MICOS10: variants seen among roughly 807,000 people sequenced by gnomAD.
The protein encoded by MICOS10 is MICOS complex subunit MIC10.
MICOS10 carries 5 observed loss-of-function variants against 13.4 expected under a neutral mutation model. That is an observed-to-expected ratio of 0.37 (90% CI 0.20 to 0.78). The LOEUF (loss-of-function observed/expected upper bound fraction) is 0.78, where lower values mean the gene tolerates loss of function less well. Ranked by LOEUF, MICOS10 falls within the 30% of genes least tolerant of loss-of-function variation. The pLI is 0.47. For synonymous variants in MICOS10, 35 were observed against 33.6 expected, an observed-to-expected ratio of 1.04 and a Z score of -0.15; for missense variants, 101 against 94.6, an observed-to-expected ratio of 1.07 and a Z score of -0.28.
intron 1 of MICOS10, among the ~76,000 whole-genome samples, chr1:19,604,830 C>G (rs1427235690): frequency 6.6e-6 from 1 of 152,048 alleles, no homozygotes; most frequent in Admixed American, 6.6e-5. Flanking sequence ...ACATTTGACC[C>G]CCATTTTGGA....
chr1:19,624,167 A>G (rs1394796774), intron 3 of MICOS10, among the ~76,000 whole-genome samples: 2 of 151,902 alleles, frequency 1.3e-5, no homozygotes, highest in Non-Finnish European at 1.5e-5. Flanking sequence ...TTTAGTAGAG[A>G]CGGAGCTTCA....
chr1:19,608,002 A>G, intron 1 of MICOS10: 2 of 626,660 alleles, frequency 3.2e-6, no homozygotes, highest in Non-Finnish European at 5.8e-6. Flanking sequence ...AGGTTTCCAT[A>G]TAGAGAAAAA....
At chr1:19,611,623 C>T (rs889397160) in intron 1 of MICOS10, among the ~76,000 whole-genome samples, 1 of 151,730 alleles carries the variant, frequency 6.6e-6, no homozygotes, top group Non-Finnish European at 1.5e-5. Context: ...CAGGTGTGAG[C>T]CACCATACCT....
At chr1:19,625,294 C>T in intron 3 of MICOS10, 2 of 1,173,082 alleles carry the variant, frequency 1.7e-6, no homozygotes, top group Non-Finnish European at 2.2e-6. Flanking sequence ...AAATGTGGTA[C>T]AAATGCATGT....
At position 19,625,593 on chromosome 1, in the gene MICOS10, T is replaced by C. The variant is rs183167299; in HGVS notation, c.223-794T>C. ...CTCGCTTTCCTGGCATCAGAGCTGA[T>C]TGTGGGGAGAACCGAAAGGAGCAGA... is the stretch of plus-strand genomic sequence containing the variant. On this transcript the variant is annotated intron_variant, in intron 3 of 3. Coordinates refer to ENST00000322753, the MANE Select transcript of MICOS10 (RefSeq NM_001032363.4). 90 of 1,289,410 alleles carry C rather than the reference T, an allele frequency of 7.0e-5. No individual in the cohort carries two copies. The East Asian group carries it at 3.5e-3, about 50-fold the overall frequency. 79.9% of individuals were successfully genotyped at this position (1,289,410 alleles called of 1,614,324 possible).
At position 19,623,587 on chromosome 1, in the gene MICOS10, T is replaced by C. The variant is rs1439832744; in HGVS notation, c.222+4T>C. Reference sequence around the variant, plus strand: ...TCTACATGGAAAATATGTCAAAGTATGTACAGAATATATATTTCTCTTTCC... The same window carrying C: ...TCTACATGGAAAATATGTCAAAGTACGTACAGAATATATATTTCTCTTTCC... On this transcript the variant is annotated splice_donor_region_variant and intron_variant, in intron 3 of 3. Transcript: ENST00000322753. 2.6e-6 allele frequency: 4 copies of C among 1,558,782 alleles called. No individual in the cohort carries two copies.
intron 1 of MICOS10, among the ~76,000 whole-genome samples, chr1:19,601,828 C>T (rs917985259): frequency 2.0e-5 from 3 of 152,142 alleles, no homozygotes; most frequent in African/African-American, 7.2e-5. Flanking sequence ...TACACATCCA[C>T]TTCTCTTTTT....
intron 3 of MICOS10, chr1:19,623,806 T>C (rs2094912603): frequency 1.0e-5 from 4 of 401,396 alleles, no homozygotes; most frequent in Non-Finnish European, 1.3e-5. Context: ...TATATACTCA[T>C]GTGCTAGCCG....
At chr1:19,621,532 A>C (rs1234436034) in intron 1 of MICOS10, among the ~76,000 whole-genome samples, 1 of 152,206 alleles carries the variant, frequency 6.6e-6, no homozygotes, top group Admixed American at 6.5e-5. Context: ...CTGTTCCGCA[A>C]CTAACTAAAC....
Position 19,597,045 on chromosome 1 carries a change from C to G in MICOS10, c.-1C>G. On this transcript the variant is annotated 5_prime_UTR_variant, in exon 1 of 4. Transcript: ENST00000322753. ...GAAAGCTGGAGGCGCGGGTGGGGAA[C>G]ATGTCTGAGTCGGAGCTCGGCAGGA... 2.5e-6 allele frequency: 4 copies of G among 1,587,732 alleles called. No individual in the cohort carries two copies. The highest frequency in any genetic ancestry group is 3.4e-6 in the Non-Finnish European group (4 of 1,169,894).
chr1:19,611,468 G>GTTTTTTTTTT (rs765477232), intron 1 of MICOS10, among the ~76,000 whole-genome samples: 2 of 84,054 alleles, frequency 2.4e-5, no homozygotes, highest in African/African-American at 1.5e-4. Context: ...GTTGCAACTT[G>GTTTTTTTTTT]ATTTTTTTTT....
Position 19,628,237 on chromosome 1 carries a change from C to G in MICOS10, c.*1836C>G, listed in dbSNP as rs1339626735. The G allele has an allele frequency of 6.6e-6, 1 of 152,160 alleles. No homozygotes were observed. The highest frequency in any genetic ancestry group is 2.4e-5 in the African/African-American group (1 of 41,408). 9.4% of individuals were successfully genotyped at this position (152,160 alleles called of 1,614,324 possible). A position where few individuals can be genotyped will look rare whatever the true frequency, so the allele number is the denominator to read the frequency against. On this transcript the variant is annotated 3_prime_UTR_variant, in exon 4 of 4. Transcript: ENST00000322753. ...GGGATTACAGGCATGCGCCATCACACCTGGCTAATTTTGTATTTTTAGTAG... is the reference window on the plus strand; with the variant it reads ...GGGATTACAGGCATGCGCCATCACAGCTGGCTAATTTTGTATTTTTAGTAG...
chr1:19,602,245 A>C (rs2094817919), intron 1 of MICOS10, among the ~76,000 whole-genome samples: 1 of 152,178 alleles, frequency 6.6e-6, no homozygotes, highest in Non-Finnish European at 1.5e-5. Flanking sequence ...AATTTTGTAG[A>C]CCGTTCTCTG....
chr1:19,603,025 A>T (rs957337219), intron 1 of MICOS10, among the ~76,000 whole-genome samples: 1 of 152,114 alleles, frequency 6.6e-6, no homozygotes, highest in Non-Finnish European at 1.5e-5. Flanking sequence ...TGAGCCCTAC[A>T]GGTGTGGGTC....
intron 1 of MICOS10, among the ~76,000 whole-genome samples, chr1:19,605,547 T>C (rs755246817): frequency 1.3e-4 from 20 of 152,212 alleles, no homozygotes; most frequent in Non-Finnish European, 2.8e-4. Flanking sequence ...ACTTAGGTAG[T>C]GTTTTCAGTA....
intron 3 of MICOS10, among the ~76,000 whole-genome samples, chr1:19,624,611 A>T (rs2094916022): frequency 1.3e-5 from 2 of 152,116 alleles, no homozygotes. Flanking sequence ...TTAATGCTGC[A>T]CACAAGCTGG....
chr1:19,622,131 A>T lies in MICOS10; in HGVS notation c.96A>T (p.Ser32=). ...GTGFGLGIVF[S]LTFFKRRMWP... is the part of the protein sequence containing the mutation. ...GTTTTGGATTAGGAATTGTTTTCTC[A>T]CTTACCTTCTTTAAAAGTAAGTGTC... Residue 32 remains serine (S), a synonymous_variant, in exon 2 of 4, where the codon TCA becomes TCT. Coordinates refer to ENST00000322753, the MANE Select transcript of MICOS10 (RefSeq NM_001032363.4). The T allele has an allele frequency of 6.2e-7, 1 of 1,612,126 alleles. No individual in the cohort carries two copies. The highest frequency in any genetic ancestry group is 8.5e-7 in the Non-Finnish European group (1 of 1,178,814).
intron 1 of MICOS10, among the ~76,000 whole-genome samples, chr1:19,599,447 TA>T (rs1011326490): frequency 2.0e-5 from 3 of 152,094 alleles, no homozygotes; most frequent in Non-Finnish European, 2.9e-5. Context: ...AGAACGTTGA[TA>T]GGGGTGCAGC....
chr1:19,600,331 AAGT>A (rs61318903), intron 1 of MICOS10, among the ~76,000 whole-genome samples: 18,733 of 152,048 alleles, frequency 0.12, 1,244 homozygotes, highest in African/African-American at 0.17. Flanking sequence ...AAGAGAGAAG[AAGT>A]AAGGGAGGCT....
Sources: allele counts gnomAD v4.1 joint callset (sites outside exome capture counted in the v4.1 genomes callset), GRCh38; gene constraint gnomAD v4.1.1; transcripts MANE v1.5; gene names NCBI Gene and HGNC (gene_info 2026-07-23, HGNC 2026-07-21).